Variants in ABCA3 observed in about 807,000 individuals in gnomAD.
ABCA3 encodes phospholipid-transporting ATPase ABCA3.
In ABCA3, 88 loss-of-function variants were observed where a neutral mutation model predicts 172.8. The observed-to-expected ratio is 0.51, with a 90% CI of 0.43 to 0.61. The LOEUF (loss-of-function observed/expected upper bound fraction) is 0.61. Ranked by LOEUF, ABCA3 falls within the 20% of genes least tolerant of loss-of-function variation. ABCA3 has a pLI of 0.00. For synonymous variants in ABCA3, 1,066 were observed against 983.8 expected (o/e 1.08, Z -1.56); for missense variants, 2,164 against 2,301.0 (o/e 0.94, Z 1.22).
In ABCA3 at chr16:2,298,557, G is replaced by A; in HGVS notation, c.1742-17C>T. On this transcript the variant is annotated splice_polypyrimidine_tract_variant and intron_variant, in intron 14 of 32. Transcript: ENST00000301732. ...GAAAGAGACCTGGGGCCCAGCAGGA[G>A]ACCCCACATTCAGCATGAAGATCCT... The A allele has an allele frequency of 6.2e-7, 1 of 1,611,948 alleles. No individual in the cohort carries two copies. The highest frequency in any genetic ancestry group is 8.5e-7 in the Non-Finnish European group (1 of 1,179,876).
intron 14 of ABCA3, among the ~76,000 whole-genome samples, 192 bp downstream of exon 14, chr16:2,299,211 G>A (rs1291987645): frequency 6.7e-6 from 1 of 148,404 alleles, no homozygotes; most frequent in Non-Finnish European, 1.5e-5. Flanking sequence ...CCCCCGGCAT[G>A]TCCCGGACAG....
chr16:2,302,987 C>T (rs1276258888), intron 12 of ABCA3, among the ~76,000 whole-genome samples: 2 of 150,016 alleles, frequency 1.3e-5, no homozygotes, highest in East Asian at 4.0e-4. Context: ...TTAGTAGAAA[C>T]AGGGTTTCAC....
chr16:2,326,339 C>G (rs2093734364), intron 4 of ABCA3, 65 bp from the exon 5 acceptor site: 1 of 1,611,682 alleles, frequency 6.2e-7, no homozygotes, highest in Non-Finnish European at 8.5e-7. Flanking sequence ...TGCAGACAGC[C>G]CTTCCCTCAA....
chr16:2,326,518 T>C (rs1259005941), intron 3 of ABCA3, 26 bp from the exon 4 acceptor site: 3 of 1,579,894 alleles, frequency 1.9e-6, no homozygotes, highest in South Asian at 1.1e-5. Context: ...AGACAGAGAG[T>C]GTGGGTGCGC....
At chr16:2,276,951 G>A in intron 32 of ABCA3, 146 bp from the exon 33 acceptor site, 1 of 1,245,406 alleles carries the variant, frequency 8.0e-7, no homozygotes, top group South Asian at 1.3e-5. Flanking sequence ...AGAGAGGTCA[G>A]CCCTGCGACG....
rs2141729851 is a variant in ABCA3 at position 2,317,323 on chromosome 16, G to C, written c.1071C>G (p.Thr357=). Residue 357 remains threonine, a synonymous_variant, in exon 10 of 33, where the codon ACC becomes ACG. Coordinates refer to ENST00000301732, the MANE Select transcript of ABCA3 (RefSeq NM_001089.3). ...LAFLLCFAIS[T]ISFSFMVSTF... ...TGCTGACCATGAAGCTGAAGGAGAT[G>C]GTAGAGATGGCGAAGCACAGCAGGA... 6.2e-7 allele frequency: 1 copy of C among 1,614,074 alleles called. No individual in the cohort carries two copies. Among genetic ancestry groups the C allele is most frequent in the East Asian group, 2.2e-5 (1 of 44,880 alleles).
chr16:2,303,700 A>C (rs2093693052), intron 12 of ABCA3, among the ~76,000 whole-genome samples: 1 of 152,160 alleles, frequency 6.6e-6, no homozygotes, highest in Admixed American at 6.5e-5. Context: ...TCTTGCAGAG[A>C]GGGGCCAGAG....
chr16:2,299,274 G>A lies in ABCA3; in HGVS notation c.1741+129C>T, dbSNP rs908124983. ...GTGCCCCTGGGCCTGCAGGGCTGAG[G>A]TGCATCTCCTGCCGCTGTGGTTGGG... On this transcript the variant is annotated intron_variant, in intron 14 of 32. Transcript: ENST00000301732. The A allele has an allele frequency of 5.0e-5, 67 of 1,336,050 alleles. 1 individual carries two copies. In the Admixed American group the frequency reaches 1.1e-3, roughly 23 times the overall value. 82.8% of individuals were successfully genotyped at this position (1,336,050 alleles called of 1,614,324 possible). A position where few individuals can be genotyped will look rare whatever the true frequency, so the allele number is the denominator to read the frequency against.
At chr16:2,305,409 G>C (rs1252109441) in intron 11 of ABCA3, among the ~76,000 whole-genome samples, 1 of 152,216 alleles carries the variant, frequency 6.6e-6, no homozygotes, top group Non-Finnish European at 1.5e-5. Flanking sequence ...CGGTTCTCCT[G>C]CCTCAGCCTC....
chr16:2,321,059 A>C (rs563082164), intron 7 of ABCA3, among the ~76,000 whole-genome samples: 2 of 151,022 alleles, frequency 1.3e-5, no homozygotes, highest in East Asian at 3.9e-4. Flanking sequence ...ACATGCTGAA[A>C]TCTGTCAGTC....
intron 32 of ABCA3, among the ~76,000 whole-genome samples, 181 bp from the exon 33 acceptor site, chr16:2,276,986 G>A (rs909788588): frequency 1.3e-5 from 2 of 152,222 alleles, no homozygotes; most frequent in African/African-American, 4.8e-5. Flanking sequence ...GGTAGAGGAC[G>A]CTGGCTAAGC....
At chr16:2,331,129 A>G (rs1219297497) in intron 1 of ABCA3, among the ~76,000 whole-genome samples, 1 of 152,180 alleles carries the variant, frequency 6.6e-6, no homozygotes, top group Non-Finnish European at 1.5e-5. Context: ...CAAGTTTTGC[A>G]TATCACTCCT....
intron 12 of ABCA3, 31 bp downstream of exon 12, chr16:2,303,938 G>A (rs375039403): frequency 1.2e-4 from 198 of 1,613,104 alleles, no homozygotes; most frequent in African/African-American, 2.5e-4. Flanking sequence ...TCAGAGAGGC[G>A]GCGGCTCAAG....
At chr16:2,282,994 C>G (rs1314383124) in intron 26 of ABCA3, among the ~76,000 whole-genome samples, 192 bp downstream of exon 26, 1 of 152,256 alleles carries the variant, frequency 6.6e-6, no homozygotes, top group Non-Finnish European at 1.5e-5. Flanking sequence ...CTCGACAGCC[C>G]TTGTGAGTGG....
Position 2,283,725 on chromosome 16 carries a change from C to CCAGGGA in ABCA3, c.3863-368_3863-367insTCCCTG. 3.3e-6 allele frequency: 1 copy of CCAGGGA among 305,932 alleles called. No individual in the cohort carries two copies. Among genetic ancestry groups the CCAGGGA allele is most frequent in the African/African-American group, 2.1e-5 (1 of 46,796 alleles). 19.0% of individuals were successfully genotyped at this position (305,932 alleles called of 1,614,324 possible). On this transcript the variant is annotated intron_variant, in intron 25 of 32. Coordinates refer to ENST00000301732, the MANE Select transcript of ABCA3 (RefSeq NM_001089.3). This position sits in a 1 kb window ranked among gnomAD's most constrained non-coding sequence, Gnocchi z 5.4. Reference sequence around the variant, plus strand: ...AGGCCCCACAGGACAGGTCCAAGTTCTGTCCCCCTGGACCTGGGGTTGTGA... The same window carrying CCAGGGA: ...AGGCCCCACAGGACAGGTCCAAGTTCCAGGGATGTCCCCCTGGACCTGGGGTTGTGA...
In ABCA3 at chr16:2,286,563, G is replaced by A; in HGVS notation, c.3278+131C>T. 8.1e-7 allele frequency: 1 copy of A among 1,239,194 alleles called. No homozygotes were observed. Among genetic ancestry groups the A allele is most frequent in the South Asian group, 1.4e-5 (1 of 70,488 alleles). The allele number at this position is 1,239,194 out of a possible 1,614,324, so 76.8% of individuals were successfully genotyped here. On this transcript the variant is annotated intron_variant, in intron 22 of 32. Transcript: ENST00000301732. The surrounding 1 kb of genome is among the most constrained non-coding windows in gnomAD (Gnocchi z 5.2). ...TGGATGGTGGAGGAGGATGTGGCAG[G>A]GGTTTCCCACCAGACCCAGGGGCTT...
At chr16:2,334,346 G>A (rs1386714177) in intron 1 of ABCA3, among the ~76,000 whole-genome samples, 17 of 152,282 alleles carry the variant, frequency 1.1e-4, no homozygotes, top group Middle Eastern at 3.4e-3. Context: ...GTTGCACCAA[G>A]AAGGGAGCTC....
chr16:2,332,233 C>T (rs76616462), intron 1 of ABCA3: 3 of 365,494 alleles, frequency 8.2e-6, no homozygotes, highest in Non-Finnish European at 1.0e-5. Flanking sequence ...TCCTCCATTT[C>T]TTTTTTTTTT....
chr16:2,338,088 G>A (rs1040142757), intron 1 of ABCA3, among the ~76,000 whole-genome samples: 7 of 152,266 alleles, frequency 4.6e-5, no homozygotes, highest in African/African-American at 1.4e-4. Flanking sequence ...TGCAGGAAAC[G>A]AGGTAATGAG....
Sources: gnomAD v4.1 joint callset for allele counts (sites outside exome capture counted in the v4.1 genomes callset) on GRCh38, gnomAD v4.1.1 for gene constraint, Gnocchi (gnomAD v3.1) non-coding constraint, MANE v1.5 for transcripts, NCBI Gene and HGNC (gene_info 2026-07-23, HGNC 2026-07-21) for gene names.